SLIT3: variants seen among roughly 807,000 people sequenced by gnomAD.
The protein encoded by SLIT3 is slit guidance ligand 3.
Under a neutral mutation model 184.0 loss-of-function variants are expected in SLIT3, and 68 were observed. The observed-to-expected ratio is 0.37, with a 90% CI of 0.30 to 0.45. The LOEUF is 0.45. Ranked by LOEUF, SLIT3 falls within the 20% of genes least tolerant of loss-of-function variation. The pLI is 1.00. For missense variants in SLIT3, 1,707 were observed against 2,026.0 expected, an observed-to-expected ratio of 0.84 and a Z score of 3.02; for synonymous variants, 831 against 828.6, an observed-to-expected ratio of 1.00 and a Z score of -0.05.
At chr5:168,900,417 C>T (rs1381081278) in intron 4 of SLIT3, among the ~76,000 whole-genome samples, 3 of 152,110 alleles carry the variant, frequency 2.0e-5, no homozygotes, top group Non-Finnish European at 4.4e-5. Context: ...GAATTTGAGA[C>T]CAGTCAGGGC....
chr5:169,147,219 G>A (rs1314848493), intron 4 of SLIT3, among the ~76,000 whole-genome samples: 1 of 152,166 alleles, frequency 6.6e-6, no homozygotes, highest in African/African-American at 2.4e-5. Context: ...ATGTCAGAGG[G>A]TCTGGCACAT....
intron 1 of SLIT3, among the ~76,000 whole-genome samples, chr5:169,255,894 T>C: frequency 6.6e-6 from 1 of 152,068 alleles, no homozygotes; most frequent in Non-Finnish European, 1.5e-5. Flanking sequence ...CAAAAAAAAG[T>C]TATATAGTAA....
At chr5:169,178,862 T>C (rs533074491) in intron 4 of SLIT3, among the ~76,000 whole-genome samples, 101 of 152,332 alleles carry the variant, frequency 6.6e-4, no homozygotes, top group Non-Finnish European at 9.4e-4. Flanking sequence ...AACAGCAGCC[T>C]CTCTCATTGA....
intron 3 of SLIT3, among the ~76,000 whole-genome samples, chr5:169,214,837 T>C (rs1764384697): frequency 2.6e-5 from 4 of 152,288 alleles, no homozygotes; most frequent in East Asian, 1.9e-4. Flanking sequence ...TCCTTTTCAC[T>C]TGACACTCAT....
At chr5:168,865,425 G>A (rs2113756458) in intron 5 of SLIT3, among the ~76,000 whole-genome samples, 1 of 152,272 alleles carries the variant, frequency 6.6e-6, no homozygotes, top group East Asian at 1.9e-4. Context: ...ACACATTACT[G>A]ACAATACAAC....
chr5:169,162,682 G>A (rs1446961478), intron 4 of SLIT3, among the ~76,000 whole-genome samples: 2 of 152,214 alleles, frequency 1.3e-5, no homozygotes, highest in African/African-American at 2.4e-5. Context: ...TCCTGACCCC[G>A]ATTGTTATGA....
At chr5:168,696,198 GGA>G in intron 28 of SLIT3, 92 bp downstream of exon 28, 1 of 1,457,106 alleles carries the variant, frequency 6.9e-7, no homozygotes. Context: ...CTGTCCTCAG[GGA>G]GAGAGGAAGA....
At chr5:169,170,488 T>G (rs552350077) in intron 4 of SLIT3, among the ~76,000 whole-genome samples, 1 of 152,190 alleles carries the variant, frequency 6.6e-6, no homozygotes, top group Admixed American at 6.5e-5. Context: ...TGTGAAGCAC[T>G]GTTGGGGAAT....
intron 5 of SLIT3, among the ~76,000 whole-genome samples, chr5:168,858,814 C>T (rs962753484): frequency 1.3e-5 from 2 of 152,214 alleles, no homozygotes; most frequent in Non-Finnish European, 2.9e-5. Flanking sequence ...GCATTCTTGG[C>T]ATTTACATCC....
chr5:169,251,941 C>T (rs561402777), intron 1 of SLIT3, among the ~76,000 whole-genome samples: 14 of 152,288 alleles, frequency 9.2e-5, no homozygotes, highest in African/African-American at 2.6e-4. Context: ...GCCATCTCAC[C>T]GCCACAAAAA....
intron 20 of SLIT3, among the ~76,000 whole-genome samples, chr5:168,733,112 C>A (rs1428114265): frequency 6.6e-6 from 1 of 150,950 alleles, no homozygotes. Context: ...AAAAAAAAAA[C>A]CATTAAAAAG....
At chr5:168,746,399 CTGGTGGT>C (rs1763815017) in intron 20 of SLIT3, among the ~76,000 whole-genome samples, 1 of 25,068 alleles carries the variant, frequency 4.0e-5, no homozygotes, top group African/African-American at 2.0e-4. Flanking sequence ...TGTGTGGTGT[CTGGTGGT>C]GTGTAGTGTG....
intron 12 of SLIT3, among the ~76,000 whole-genome samples, chr5:168,784,628 G>C (rs906656886): frequency 2.0e-5 from 3 of 152,184 alleles, no homozygotes; most frequent in Admixed American, 6.5e-5. Flanking sequence ...AAAGATGTAA[G>C]AAAGGGCTGG....
At chr5:168,693,164 A>C (rs576340067) in intron 28 of SLIT3, among the ~76,000 whole-genome samples, 2 of 152,334 alleles carry the variant, frequency 1.3e-5, no homozygotes, top group African/African-American at 4.8e-5. Flanking sequence ...GGGAAGATCT[A>C]CAAATAAGCA....
At chr5:169,179,733 C>T (rs531301290) in intron 4 of SLIT3, among the ~76,000 whole-genome samples, 25 of 152,116 alleles carry the variant, frequency 1.6e-4, no homozygotes, top group African/African-American at 3.6e-4. Context: ...ACTAGTCATT[C>T]GGGGCTTTTG....
At chr5:169,006,405 C>T (rs1212264971) in intron 4 of SLIT3, among the ~76,000 whole-genome samples, 4 of 152,126 alleles carry the variant, frequency 2.6e-5, no homozygotes, top group Admixed American at 2.6e-4. Flanking sequence ...ACACGACTCC[C>T]TGTGGAGCCA....
chr5:168,842,315 A>T (rs1020875768), intron 6 of SLIT3, among the ~76,000 whole-genome samples: 1 of 152,048 alleles, frequency 6.6e-6, no homozygotes, highest in African/African-American at 2.4e-5. Flanking sequence ...AAAGCTATTG[A>T]TCTGGCTTTG....
intron 4 of SLIT3, among the ~76,000 whole-genome samples, chr5:169,085,505 G>A (rs1443393562): frequency 1.3e-5 from 2 of 152,172 alleles, no homozygotes; most frequent in Non-Finnish European, 2.9e-5. Context: ...GAGATAAACT[G>A]CAAAACTTAA....
intron 3 of SLIT3, among the ~76,000 whole-genome samples, chr5:169,200,333 G>A (rs1763872190): frequency 6.6e-6 from 1 of 152,214 alleles, no homozygotes; most frequent in Non-Finnish European, 1.5e-5. Context: ...CTTTAGTAAT[G>A]AACTCAATTG....
Sources: gnomAD v4.1 joint callset for allele counts (sites outside exome capture counted in the v4.1 genomes callset) on GRCh38, gnomAD v4.1.1 for gene constraint, MANE v1.5 for transcripts, NCBI Gene and HGNC (gene_info 2026-07-23, HGNC 2026-07-21) for gene names.